Variants in ERCC6L2 observed in about 807,000 individuals in gnomAD.
The protein encoded by ERCC6L2 is DNA excision repair protein ERCC-6-like 2.
A neutral mutation model predicts 132.0 loss-of-function variants in ERCC6L2; 77 were observed. The ratio of observed to expected loss-of-function variants is 0.58; its 90% CI spans 0.49 to 0.71. The LOEUF (loss-of-function observed/expected upper bound fraction) is 0.71, where lower values mean the gene tolerates loss of function less well. Among genes scored for constraint, ERCC6L2 ranks in the 30% least tolerant of loss-of-function variants. The pLI is 0.00. For synonymous variants in ERCC6L2, 583 were observed against 632.4 expected (o/e 0.92, Z 1.17); for missense variants, 1,542 against 1,837.6 (o/e 0.84, Z 2.94).
intron 11 of ERCC6L2, among the ~76,000 whole-genome samples, chr9:95,931,200 A>G (rs904281181): frequency 2.0e-5 from 3 of 152,156 alleles, no homozygotes; most frequent in African/African-American, 4.8e-5. Context: ...TCAAATTTCA[A>G]TCATGACTTT....
intron 3 of ERCC6L2, among the ~76,000 whole-genome samples, chr9:95,903,144 T>C (rs1828860299): frequency 6.6e-6 from 1 of 152,068 alleles, no homozygotes; most frequent in Non-Finnish European, 1.5e-5. Flanking sequence ...TTTATTTTGC[T>C]GTAGGTGTCT....
At chr9:95,904,094 A>G (rs994788499) in intron 3 of ERCC6L2, among the ~76,000 whole-genome samples, 1 of 151,650 alleles carries the variant, frequency 6.6e-6, no homozygotes, top group African/African-American at 2.4e-5. Context: ...AGTAGGGTGT[A>G]AATTAATTAT....
chr9:96,009,938 C>T (rs901974820), intron 18 of ERCC6L2, among the ~76,000 whole-genome samples: 3 of 152,262 alleles, frequency 2.0e-5, no homozygotes, highest in African/African-American at 7.2e-5. Flanking sequence ...TGCTGAGACA[C>T]CACCAAGCCT....
chr9:96,028,942 G>T lies in ERCC6L2; in HGVS notation c.*1504-9934G>T, dbSNP rs144486648. Reference sequence around the variant, plus strand: ...TTTCCAAATACAATTTGAACACAATGAGCTAGACACAATTTGAATTCATTC... The same window carrying T: ...TTTCCAAATACAATTTGAACACAATTAGCTAGACACAATTTGAATTCATTC... On this transcript the variant is annotated intron_variant and NMD_transcript_variant, in intron 19 of 20. Coordinates refer to the ERCC6L2 transcript ENST00000670016. Among the ~76,000 whole-genome samples the T allele has an allele frequency of 6.6e-3, 1,004 of 152,274 alleles. 5 individuals are homozygous for T. Among genetic ancestry groups the T allele is most frequent in the South Asian group, 0.023 (111 of 4,820 alleles).
At chr9:95,930,798 T>C (rs192197273) in intron 11 of ERCC6L2, among the ~76,000 whole-genome samples, 16 of 152,300 alleles carry the variant, frequency 1.1e-4, no homozygotes, top group Non-Finnish European at 1.9e-4. Context: ...GTTTGGTCCA[T>C]TAACTTTCCA....
chr9:95,998,575 C>T (rs1174893453), intron 17 of ERCC6L2, among the ~76,000 whole-genome samples: 2 of 152,120 alleles, frequency 1.3e-5, no homozygotes, highest in African/African-American at 2.4e-5. Flanking sequence ...TGTGACTGTG[C>T]AGAACAGTTA....
At chr9:95,887,245 G>A (rs533748465) in intron 2 of ERCC6L2, among the ~76,000 whole-genome samples, 1 of 152,252 alleles carries the variant, frequency 6.6e-6, no homozygotes, top group African/African-American at 2.4e-5. Context: ...AGACTCCACA[G>A]GGAAATTGGT....
intron 17 of ERCC6L2, among the ~76,000 whole-genome samples, chr9:96,001,714 G>A (rs1251671985): frequency 6.6e-6 from 1 of 152,274 alleles, no homozygotes; most frequent in Non-Finnish European, 1.5e-5. Context: ...TGCGCCGTGT[G>A]CTCGCATTCC....
At chr9:95,991,599 T>C (rs1409730246) in intron 17 of ERCC6L2, among the ~76,000 whole-genome samples, 1 of 152,222 alleles carries the variant, frequency 6.6e-6, no homozygotes, top group East Asian at 1.9e-4. Context: ...CAATGGATAG[T>C]GCTTGTTGCC....
At position 96,017,053 on chromosome 9, in the gene ERCC6L2, G is replaced by C. The variant is rs1834197118; in HGVS notation, c.*3850G>C. Among the ~76,000 whole-genome samples the C allele has an allele frequency of 6.6e-6, 1 of 152,166 alleles. No homozygotes were observed. Among genetic ancestry groups the C allele is most frequent in the Non-Finnish European group, 1.5e-5 (1 of 68,042 alleles). On this transcript the variant is annotated 3_prime_UTR_variant, in exon 19 of 19. Transcript: ENST00000653738. ...AGGCACACACCTTCAAAGAGCAAGA[G>C]TGCCCATCACTTTCTAGGCTCCTTG... is the stretch of plus-strand genomic sequence containing the variant.
chr9:95,952,650 A>G lies in ERCC6L2; in HGVS notation c.1848-3264A>G, dbSNP rs1831392381. ...GGAGTTCAAGGCCTGCCTGACCAAC[A>G]TGGTGAAACCACATCTCTACAAAAA... On this transcript the variant is annotated intron_variant, in intron 12 of 18. Coordinates refer to ENST00000653738, the MANE Select transcript of ERCC6L2 (RefSeq NM_020207.7). Among the ~76,000 whole-genome samples the G allele has an allele frequency of 2.6e-5, 4 of 152,172 alleles. No individual in the cohort carries two copies. The South Asian group carries it at 8.3e-4, about 32-fold the overall frequency.
chr9:95,878,905 A>C (rs997185158), intron 1 of ERCC6L2, among the ~76,000 whole-genome samples: 7 of 151,800 alleles, frequency 4.6e-5, no homozygotes, highest in Admixed American at 2.0e-4. Context: ...CCAGTCTATC[A>C]TTGTTGGACA....
intron 17 of ERCC6L2, among the ~76,000 whole-genome samples, chr9:95,984,158 TATA>T (rs1832998178): frequency 6.7e-6 from 1 of 149,918 alleles, no homozygotes; most frequent in African/African-American, 2.4e-5. Flanking sequence ...CATATATACA[TATA>T]ATGTATATAT....
In ERCC6L2 at chr9:96,012,776, C is replaced by T. The variant is rs766510591; in HGVS notation, c.4226C>T (p.Thr1409Met). The T allele has an allele frequency of 8.9e-5, 122 of 1,367,356 alleles. 3 individuals are homozygous for T. In the South Asian group the frequency reaches 1.2e-3, roughly 13 times the overall value. 84.7% of individuals were successfully genotyped at this position (1,367,356 alleles called of 1,614,324 possible). Residue 1409 changes from threonine to methionine, a missense_variant, in exon 19 of 19, where the codon ACG becomes ATG. Physicochemically the swap from Thr to Met is moderately conservative, Grantham distance 81 (BLOSUM62 -1). This residue lies in a region of ERCC6L2 where 442 missense variants were observed against 583.4 expected (regional missense o/e 0.76). Coordinates refer to ENST00000653738, the MANE Select transcript of ERCC6L2 (RefSeq NM_020207.7). ...AAAGACCAACAGGACCTCACAAGAACGGGCATTTCAAGAAAAGAACCCCTT... is the reference window on the plus strand; with the variant it reads ...AAAGACCAACAGGACCTCACAAGAATGGGCATTTCAAGAAAAGAACCCCTT... The part of the protein sequence containing the change: ...TMKDQQDLTR[T>M]GISRKEPLLK...
At chr9:95,930,603 G>A (rs761836099) in intron 11 of ERCC6L2, among the ~76,000 whole-genome samples, 7 of 151,916 alleles carry the variant, frequency 4.6e-5, no homozygotes, top group African/African-American at 4.8e-5. Context: ...CTCTCTCCCC[G>A]TTTTTTTCTC....
intron 4 of ERCC6L2, among the ~76,000 whole-genome samples, chr9:95,913,435 T>TCGCTTGCTTGCCCGCTTGCTTGCC: frequency 6.6e-6 from 1 of 151,876 alleles, no homozygotes; most frequent in East Asian, 1.9e-4. Flanking sequence ...CTTACACCCT[T>TCGCTTGCTTGCCCGCTTGCTTGCC]CGCTTGCTTG....
intron 9 of ERCC6L2, among the ~76,000 whole-genome samples, chr9:95,925,709 A>C (rs1386157595): frequency 6.6e-6 from 1 of 152,196 alleles, no homozygotes; most frequent in African/African-American, 2.4e-5. Context: ...GAAAACACTT[A>C]AAGTTGCAAT....
chr9:96,024,546 GCCT>G (rs1051659535), intron 19 of ERCC6L2, among the ~76,000 whole-genome samples: 12 of 152,108 alleles, frequency 7.9e-5, no homozygotes, highest in African/African-American at 2.7e-4. Context: ...GGTGGGCTCC[GCCT>G]CCTCCTCCTC....
intron 14 of ERCC6L2, chr9:95,967,614 G>A (rs2133057767): frequency 6.6e-6 from 1 of 152,170 alleles, no homozygotes; most frequent in Non-Finnish European, 1.5e-5. Context: ...TGGATGGCTG[G>A]GGGAGAGGAA....
Sources: gnomAD v4.1 joint callset for allele counts (sites outside exome capture counted in the v4.1 genomes callset) on GRCh38, gnomAD v4.1.1 for gene constraint, gnomAD v4.1.1 regional missense constraint, MANE v1.5 for transcripts, NCBI Gene and HGNC (gene_info 2026-07-23, HGNC 2026-07-21) for gene names.